The following MACROD2 variants were observed in gnomAD, a reference collection of about 807,000 sequenced individuals.
The protein encoded by MACROD2 is ADP-ribose glycohydrolase MACROD2.
Under a neutral mutation model 70.4 loss-of-function variants are expected in MACROD2, and 36 were observed. The ratio of observed to expected loss-of-function variants is 0.51; its 90% CI spans 0.39 to 0.68. The LOEUF is 0.68. MACROD2 is among the 30% of genes least tolerant of loss of function. The pLI is 0.00. For synonymous variants in MACROD2, 172 were observed against 178.8 expected, an observed-to-expected ratio of 0.96 and a Z score of 0.30; for missense variants, 496 against 538.4, an observed-to-expected ratio of 0.92 and a Z score of 0.78.
intron 3 of MACROD2, among the ~76,000 whole-genome samples, chr20:14,298,677 G>T (rs927136281): frequency 2.6e-5 from 4 of 151,810 alleles, no homozygotes; most frequent in Non-Finnish European, 5.9e-5. Flanking sequence ...AGAGAAAGGA[G>T]TCACCATTCT....
At chr20:15,045,567 A>G (rs1424952178) in intron 5 of MACROD2, among the ~76,000 whole-genome samples, 1 of 152,128 alleles carries the variant, frequency 6.6e-6, no homozygotes. Flanking sequence ...TTCCTAAATC[A>G]TGATTTGATT....
At chr20:14,852,663 C>T (rs2073211729) in intron 5 of MACROD2, among the ~76,000 whole-genome samples, 1 of 152,078 alleles carries the variant, frequency 6.6e-6, no homozygotes, top group South Asian at 2.1e-4. Context: ...AGTCACAGGA[C>T]CCCTGCACCT....
chr20:14,235,813 A>G (rs143966256), intron 3 of MACROD2, among the ~76,000 whole-genome samples: 1 of 152,322 alleles, frequency 6.6e-6, no homozygotes, highest in Non-Finnish European at 1.5e-5. Flanking sequence ...AAAGTTGCAG[A>G]CCTCATTTAC....
intron 13 of MACROD2, 127 bp from the exon 14 acceptor site, chr20:15,986,600 C>A: frequency 1.9e-6 from 1 of 522,762 alleles, no homozygotes; most frequent in Non-Finnish European, 3.4e-6. Flanking sequence ...TGTATCTTTG[C>A]CCTTTGGTTT....
chr20:14,265,460 CTT>C (rs1442702924), intron 3 of MACROD2, among the ~76,000 whole-genome samples: 1 of 152,112 alleles, frequency 6.6e-6, no homozygotes. Flanking sequence ...AATATACACT[CTT>C]ATCCATGTAC....
intron 5 of MACROD2, among the ~76,000 whole-genome samples, chr20:14,717,534 GT>G (rs11482339): frequency 0.02 from 2,845 of 143,160 alleles, 62 homozygotes; most frequent in African/African-American, 0.064. Flanking sequence ...CTTTTATGTA[GT>G]TTTTTTTTTT....
chr20:14,917,723 A>C (rs2074110048), intron 5 of MACROD2, among the ~76,000 whole-genome samples: 1 of 152,174 alleles, frequency 6.6e-6, no homozygotes, highest in Non-Finnish European at 1.5e-5. Context: ...AGAAGAAAAA[A>C]ATTCAAGAAA....
chr20:14,730,979 G>GCACACA (rs11474396), intron 5 of MACROD2, among the ~76,000 whole-genome samples: 2,840 of 138,890 alleles, frequency 0.02, 28 homozygotes, highest in African/African-American at 0.026. Context: ...AACAGGTTTA[G>GCACACA]CACACACACA....
intron 7 of MACROD2, among the ~76,000 whole-genome samples, chr20:15,495,513 C>T (rs2047286001): frequency 6.6e-6 from 1 of 152,182 alleles, no homozygotes; most frequent in Admixed American, 6.5e-5. Flanking sequence ...ACCTTCTCAG[C>T]ATCCCTTCCT....
chr20:15,124,575 A>G (rs1359504274), intron 5 of MACROD2, among the ~76,000 whole-genome samples: 1 of 152,042 alleles, frequency 6.6e-6, no homozygotes, highest in Non-Finnish European at 1.5e-5. Flanking sequence ...AGCTGCATAT[A>G]GCTCCCTAAT....
intron 3 of MACROD2, among the ~76,000 whole-genome samples, chr20:14,313,542 GA>G (rs771712810): frequency 2.1e-4 from 32 of 151,700 alleles, no homozygotes; most frequent in South Asian, 1.5e-3. Context: ...AGAATTGGCA[GA>G]AAAATGTGTG....
intron 8 of MACROD2, among the ~76,000 whole-genome samples, chr20:15,854,248 T>C (rs1219822764): frequency 6.6e-6 from 1 of 150,798 alleles, no homozygotes; most frequent in Non-Finnish European, 1.5e-5. Context: ...AGGTGGGAGG[T>C]AGAGAAAGTG....
chr20:16,034,149 G>A (rs926209236), intron 15 of MACROD2, among the ~76,000 whole-genome samples: 1 of 152,014 alleles, frequency 6.6e-6, no homozygotes, highest in African/African-American at 2.4e-5. Flanking sequence ...CATTATCAAG[G>A]ACTGGAATGC....
intron 4 of MACROD2, among the ~76,000 whole-genome samples, chr20:14,579,292 C>A (rs1980845202): frequency 6.6e-6 from 1 of 151,468 alleles, no homozygotes; most frequent in Admixed American, 6.6e-5. Flanking sequence ...CAGGCGCCCG[C>A]CACCGCGCCC....
chr20:15,928,267 C>G (rs763704440), intron 10 of MACROD2, among the ~76,000 whole-genome samples: 17 of 152,174 alleles, frequency 1.1e-4, no homozygotes, highest in Non-Finnish European at 2.1e-4. Flanking sequence ...TTGCAACATT[C>G]TGTTGCTTAA....
At chr20:14,331,032 G>A (rs1240176227) in intron 3 of MACROD2, among the ~76,000 whole-genome samples, 1 of 152,040 alleles carries the variant, frequency 6.6e-6, no homozygotes, top group Non-Finnish European at 1.5e-5. Context: ...TAACAAGTGA[G>A]AACCTGCTTA....
intron 12 of MACROD2, among the ~76,000 whole-genome samples, 199 bp downstream of exon 12, chr20:15,937,743 ATATATG>A (rs1456289489): frequency 4.5e-4 from 67 of 149,512 alleles, no homozygotes; most frequent in African/African-American, 1.7e-3. Flanking sequence ...ATATATATAT[ATATATG>A]TGTGTATATA....
intron 5 of MACROD2, chr20:14,905,663 C>T (rs965520491): frequency 6.6e-6 from 1 of 152,274 alleles, no homozygotes; most frequent in African/African-American, 2.4e-5. Context: ...TGGAACATCC[C>T]GATTCTCATT....
chr20:15,199,495 G>C (rs1015847560), intron 5 of MACROD2, among the ~76,000 whole-genome samples: 2 of 152,142 alleles, frequency 1.3e-5, no homozygotes, highest in Non-Finnish European at 2.9e-5. Context: ...ACTTCACAGA[G>C]TAGTAAGAAT....
Sources: gnomAD v4.1 joint callset for allele counts (sites outside exome capture counted in the v4.1 genomes callset) on GRCh38, gnomAD v4.1.1 for gene constraint, MANE v1.5 for transcripts, NCBI Gene and HGNC (gene_info 2026-07-23, HGNC 2026-07-21) for gene names.